Variants in HMCN1 observed in about 807,000 individuals in gnomAD.
The protein encoded by HMCN1 is hemicentin-1.
In HMCN1, 321 loss-of-function variants were observed where a neutral mutation model predicts 625.9. The observed-to-expected ratio is 0.51, with a 90% CI of 0.47 to 0.56. HMCN1 has a LOEUF of 0.56. Ranked by LOEUF, HMCN1 falls within the 20% of genes least tolerant of loss-of-function variation. The pLI, the probability that HMCN1 is intolerant of heterozygous loss-of-function variation, is 0.00. For missense variants in HMCN1, 6,588 were observed against 6,887.3 expected (o/e 0.96, Z 1.54); for synonymous variants, 2,425 against 2,417.6 (o/e 1.00, Z -0.09).
At chr1:186,039,273 A>C (rs1451917360) in intron 38 of HMCN1, among the ~76,000 whole-genome samples, 1 of 152,202 alleles carries the variant, frequency 6.6e-6, no homozygotes, top group Non-Finnish European at 1.5e-5. Flanking sequence ...AACACTGCTT[A>C]TAAATGCTCT....
intron 45 of HMCN1, among the ~76,000 whole-genome samples, chr1:186,056,552 G>T (rs1275179653): frequency 6.6e-6 from 1 of 151,856 alleles, no homozygotes; most frequent in Non-Finnish European, 1.5e-5. Context: ...TGGTACATAT[G>T]CACCATGGAA....
chr1:186,014,066 G>A (rs145454786), intron 30 of HMCN1, among the ~76,000 whole-genome samples: 25 of 152,164 alleles, frequency 1.6e-4, no homozygotes, highest in Non-Finnish European at 3.1e-4. Context: ...TACCTTAGCC[G>A]GGTTACCAAA....
chr1:185,946,792 A>G (rs74134222), intron 11 of HMCN1, among the ~76,000 whole-genome samples: 1,989 of 152,328 alleles, frequency 0.013, 33 homozygotes, highest in African/African-American at 0.044. Flanking sequence ...TTGACATACA[A>G]AATTTTGTAC....
At chr1:186,110,219 T>C (rs1189945921) in intron 71 of HMCN1, among the ~76,000 whole-genome samples, 1 of 152,180 alleles carries the variant, frequency 6.6e-6, no homozygotes, top group Non-Finnish European at 1.5e-5. Context: ...GTAATCATCA[T>C]GGTATAATCT....
intron 105 of HMCN1, 24 bp from the exon 106 acceptor site, chr1:186,187,859 G>T: frequency 6.2e-7 from 1 of 1,613,282 alleles, no homozygotes; most frequent in South Asian, 1.1e-5. Flanking sequence ...TGCTGATGCT[G>T]CATGTTCCCT....
chr1:186,073,867 T>G (rs932409234), intron 52 of HMCN1, among the ~76,000 whole-genome samples: 3 of 151,764 alleles, frequency 2.0e-5, no homozygotes, highest in Non-Finnish European at 2.9e-5. Context: ...AGCTTGAAAC[T>G]GAGATTATGA....
Position 186,067,872 on chromosome 1 carries a change from C to A in HMCN1, c.7744C>A (p.Pro2582Thr). 1.2e-6 allele frequency: 2 copies of A among 1,612,986 alleles called. No individual in the cohort carries two copies. Among genetic ancestry groups the A allele is most frequent in the Non-Finnish European group, 1.7e-6 (2 of 1,179,146 alleles). Residue 2582 changes from proline (P) to threonine (T), a missense_variant, in exon 50 of 107, where the codon CCT becomes ACT. Around this residue, in one of 3 missense-constraint regions of HMCN1, gnomAD observed 4,628 missense variants for 4,853.1 expected, o/e 0.95. Coordinates refer to ENST00000271588, the MANE Select transcript of HMCN1 (RefSeq NM_031935.3). ...TGCTGGTGTAGGTAGTGATGGCAAC[C>A]CTGAAGATGTCACTGTCATCCTTAA... ...TIAGVGSDGN[P>T]EDVTVILNSP...
intron 7 of HMCN1, among the ~76,000 whole-genome samples, chr1:185,922,923 G>C (rs867430843): frequency 3.9e-5 from 6 of 151,986 alleles, no homozygotes; most frequent in Non-Finnish European, 1.5e-5. Flanking sequence ...AATTAAACAC[G>C]TCACATATCA....
At chr1:185,749,357 C>T (rs781521563) in intron 1 of HMCN1, among the ~76,000 whole-genome samples, 2 of 152,048 alleles carry the variant, frequency 1.3e-5, no homozygotes, top group Non-Finnish European at 1.5e-5. Flanking sequence ...TTTTTCATGA[C>T]GGTTTTGGGA....
At position 186,100,506 on chromosome 1, in the gene HMCN1, G is replaced by A. The variant is rs77754798; in HGVS notation, c.10574-2966G>A. 3.1e-3 allele frequency among the ~76,000 whole-genome samples: 469 copies of A among 152,232 alleles called. 5 individuals carry two copies. The highest frequency in any genetic ancestry group is 0.01 in the African/African-American group (436 of 41,542). ...AAATAGGGGGTTTTCATAGGGCCAG[G>A]TCATAGAGCACTTTTTTGACCACAT... On this transcript the variant is annotated intron_variant, in intron 68 of 106. Coordinates refer to ENST00000271588, the MANE Select transcript of HMCN1 (RefSeq NM_031935.3).
At chr1:185,764,322 G>A (rs181333327) in intron 1 of HMCN1, among the ~76,000 whole-genome samples, 7 of 152,282 alleles carry the variant, frequency 4.6e-5, no homozygotes, top group African/African-American at 1.7e-4. Context: ...ATAGCTGAAG[G>A]ATCCACAACT....
intron 89 of HMCN1, 144 bp downstream of exon 89, chr1:186,138,116 A>T: frequency 1.0e-6 from 1 of 965,322 alleles, no homozygotes; most frequent in East Asian, 2.6e-5. Flanking sequence ...CTATATTCTT[A>T]GTTCTCTTTC....
At chr1:185,916,679 C>T (rs1211781856) in intron 6 of HMCN1, among the ~76,000 whole-genome samples, 1 of 152,046 alleles carries the variant, frequency 6.6e-6, no homozygotes, top group African/African-American at 2.4e-5. Context: ...AGAGAAAAAC[C>T]ATCTCTATCA....
intron 4 of HMCN1, among the ~76,000 whole-genome samples, chr1:185,899,189 G>A (rs1665664917): frequency 6.6e-6 from 1 of 152,092 alleles, no homozygotes; most frequent in African/African-American, 2.4e-5. Flanking sequence ...GTGACACTGG[G>A]GCGATGTTCG....
intron 97 of HMCN1, among the ~76,000 whole-genome samples, chr1:186,159,725 T>A (rs550050870): frequency 6.6e-6 from 1 of 152,232 alleles, no homozygotes; most frequent in Non-Finnish European, 1.5e-5. Flanking sequence ...ATTACATTTA[T>A]TGATTTGCGT....
At chr1:186,110,160 G>A (rs1660808486) in intron 71 of HMCN1, among the ~76,000 whole-genome samples, 1 of 152,080 alleles carries the variant, frequency 6.6e-6, no homozygotes, top group Admixed American at 6.5e-5. Context: ...ATCAAAAAAG[G>A]CTTTGGTTTC....
intron 1 of HMCN1, among the ~76,000 whole-genome samples, chr1:185,845,232 T>A (rs938591408): frequency 6.6e-6 from 1 of 152,200 alleles, no homozygotes; most frequent in African/African-American, 2.4e-5. Context: ...TCTTTTCTTT[T>A]TTTTTGAGAT....
chr1:185,810,522 A>G (rs1424901462), intron 1 of HMCN1, among the ~76,000 whole-genome samples: 1 of 152,178 alleles, frequency 6.6e-6, no homozygotes, highest in African/African-American at 2.4e-5. Flanking sequence ...GAACATAGGT[A>G]GTTTTTCACA....
intron 54 of HMCN1, among the ~76,000 whole-genome samples, 192 bp downstream of exon 54, chr1:186,076,814 A>G (rs1029910257): frequency 6.6e-6 from 1 of 152,156 alleles, no homozygotes; most frequent in Non-Finnish European, 1.5e-5. Flanking sequence ...AATAGGAGAA[A>G]ATAGCTTAGT....
Sources: gnomAD v4.1 joint callset for allele counts (sites outside exome capture counted in the v4.1 genomes callset) on GRCh38, gnomAD v4.1.1 for gene constraint, gnomAD v4.1.1 regional missense constraint, MANE v1.5 for transcripts, NCBI Gene and HGNC (gene_info 2026-07-23, HGNC 2026-07-21) for gene names.